The following RFX3 variants were observed in gnomAD, a reference collection of about 807,000 sequenced individuals.
RFX3 encodes the protein transcription factor RFX3.
Under a neutral mutation model 98.6 loss-of-function variants are expected in RFX3, and 14 were observed. The ratio of observed to expected loss-of-function variants is 0.14; its 90% CI spans 0.09 to 0.22. RFX3 has a LOEUF of 0.22. Among genes scored for constraint, RFX3 ranks in the 10% least tolerant of loss-of-function variants. The probability of loss-of-function intolerance (pLI) is 1.00; values close to 1 mark genes in which losing one functional copy is unlikely to be tolerated. For synonymous variants in RFX3, 383 were observed against 328.4 expected (o/e 1.17, Z -1.80); for missense variants, 639 against 926.9 (o/e 0.69, Z 4.03).
chr9:3,391,125 C>T (rs972837622), intron 2 of RFX3, among the ~76,000 whole-genome samples: 2 of 152,070 alleles, frequency 1.3e-5, no homozygotes, highest in African/African-American at 2.4e-5. Flanking sequence ...GGGTCAGTAA[C>T]AAAAGCTGGA....
At chr9:3,465,111 G>C (rs1277650065) in intron 1 of RFX3, among the ~76,000 whole-genome samples, 2 of 152,000 alleles carry the variant, frequency 1.3e-5, no homozygotes, top group Non-Finnish European at 2.9e-5. Context: ...ACAATATGCA[G>C]GTCATTCTTT....
intron 2 of RFX3, among the ~76,000 whole-genome samples, chr9:3,375,369 T>G (rs1838347981): frequency 6.6e-6 from 1 of 152,192 alleles, no homozygotes; most frequent in Non-Finnish European, 1.5e-5. Flanking sequence ...TGATGTAGCT[T>G]ATTTGTCTTA....
intron 15 of RFX3, among the ~76,000 whole-genome samples, chr9:3,233,483 A>G (rs981831231): frequency 6.6e-6 from 1 of 152,194 alleles, no homozygotes; most frequent in South Asian, 2.1e-4. Flanking sequence ...GGGCACTGAA[A>G]CAACGCAGAG....
chr9:3,256,763 G>T (rs1427595543), intron 14 of RFX3, among the ~76,000 whole-genome samples: 1 of 152,184 alleles, frequency 6.6e-6, no homozygotes, highest in East Asian at 1.9e-4. Context: ...AGGGCTTTGA[G>T]CAAGAGATTT....
intron 1 of RFX3, among the ~76,000 whole-genome samples, chr9:3,511,134 T>C (rs1212710095): frequency 1.3e-5 from 2 of 151,974 alleles, no homozygotes. Flanking sequence ...AAAGTTATTA[T>C]ACAAACAAAA....
At chr9:3,335,046 G>A (rs1833007055) in intron 3 of RFX3, among the ~76,000 whole-genome samples, 1 of 152,042 alleles carries the variant, frequency 6.6e-6, no homozygotes, top group Non-Finnish European at 1.5e-5. Flanking sequence ...TTGAACCTGG[G>A]AGGTGGAGGT....
intron 13 of RFX3, 26 bp downstream of exon 13, chr9:3,262,909 A>C: frequency 2.5e-6 from 4 of 1,608,430 alleles, no homozygotes; most frequent in Non-Finnish European, 3.4e-6. Flanking sequence ...TCCTTAAGAG[A>C]CATGCTTTGC....
chr9:3,288,292 A>G, intron 6 of RFX3, 42 bp from the exon 7 acceptor site: 1 of 1,589,664 alleles, frequency 6.3e-7, no homozygotes. Context: ...AAAGTCAGTC[A>G]AACTAATATT....
intron 15 of RFX3, among the ~76,000 whole-genome samples, chr9:3,245,051 C>A (rs1429612242): frequency 2.0e-5 from 3 of 152,306 alleles, no homozygotes; most frequent in Admixed American, 2.0e-4. Flanking sequence ...AAGTAGAATT[C>A]ACTTCTGACT....
chr9:3,495,547 G>C (rs1851047549), intron 1 of RFX3, among the ~76,000 whole-genome samples: 1 of 151,908 alleles, frequency 6.6e-6, no homozygotes, highest in African/African-American at 2.4e-5. Flanking sequence ...TTGTACTCAA[G>C]AAAAAAATGA....
At chr9:3,320,291 G>A (rs914473350) in intron 4 of RFX3, among the ~76,000 whole-genome samples, 3 of 151,994 alleles carry the variant, frequency 2.0e-5, no homozygotes, top group African/African-American at 7.3e-5. Flanking sequence ...GGTGGCTCAC[G>A]CCTGTAGTCC....
intron 15 of RFX3, among the ~76,000 whole-genome samples, chr9:3,230,595 G>A (rs756865068): frequency 6.6e-6 from 1 of 151,908 alleles, no homozygotes; most frequent in Admixed American, 6.6e-5. Flanking sequence ...ATCAATTTTT[G>A]GTATTATTTA....
At chr9:3,460,600 T>C (rs565137979) in intron 1 of RFX3, among the ~76,000 whole-genome samples, 4 of 151,560 alleles carry the variant, frequency 2.6e-5, no homozygotes, top group Non-Finnish European at 4.4e-5. Flanking sequence ...AACTCAGTCA[T>C]TGTAAAACCT....
chr9:3,296,480 C>CTGAAGAAA (rs1222138346), intron 5 of RFX3, among the ~76,000 whole-genome samples: 1 of 151,960 alleles, frequency 6.6e-6, no homozygotes, highest in East Asian at 1.9e-4. Context: ...TATTCTTAAA[C>CTGAAGAAA]TGAAGAAATT....
intron 7 of RFX3, among the ~76,000 whole-genome samples, chr9:3,283,841 T>C (rs1563857960): frequency 6.9e-6 from 1 of 143,966 alleles, no homozygotes; most frequent in Non-Finnish European, 1.5e-5. Context: ...TTATTTCATA[T>C]GCAAAAATTT....
rs114482809 is a variant in RFX3, at chr9:3,326,020, G to A, written c.474+4239C>T. ...ATAAACAGATCCCTAACATATTCAG[G>A]TCGCAACTTAGCTGAACCCATATCC... On this transcript the variant is annotated intron_variant, in intron 4 of 16. Coordinates refer to ENST00000617270, the MANE Select transcript of RFX3 (RefSeq NM_001282116.2). Among the ~76,000 whole-genome samples the A allele has an allele frequency of 5.7e-3, 874 of 152,132 alleles. 9 individuals carry two copies. The highest frequency in any genetic ancestry group is 0.02 in the African/African-American group (829 of 41,516).
chr9:3,408,576 G>C (rs1311637359), intron 1 of RFX3, among the ~76,000 whole-genome samples: 6 of 151,416 alleles, frequency 4.0e-5, no homozygotes, highest in African/African-American at 1.5e-4. Context: ...TGTGCTGTAA[G>C]AGTTATCTCT....
intron 13 of RFX3, 107 bp downstream of exon 13, chr9:3,262,828 C>T (rs1322458228): frequency 9.1e-7 from 1 of 1,103,202 alleles, no homozygotes; most frequent in Non-Finnish European, 1.3e-6. Flanking sequence ...AATATAGATG[C>T]TGCCATATAT....
At chr9:3,347,400 A>C (rs1044152084) in intron 2 of RFX3, among the ~76,000 whole-genome samples, 3 of 152,190 alleles carry the variant, frequency 2.0e-5, no homozygotes, top group African/African-American at 7.2e-5. Context: ...GATTTTTTTA[A>C]ATTAAGAACA....
Sources: allele counts gnomAD v4.1 joint callset (sites outside exome capture counted in the v4.1 genomes callset), GRCh38; gene constraint gnomAD v4.1.1; transcripts MANE v1.5; gene names NCBI Gene and HGNC (gene_info 2026-07-23, HGNC 2026-07-21).